MATN2: variants seen among roughly 807,000 people sequenced by gnomAD.
MATN2 encodes matrilin-2.
MATN2 carries 69 observed loss-of-function variants against 103.2 expected under a neutral mutation model. That is an observed-to-expected ratio of 0.67 (90% CI 0.55 to 0.82). The LOEUF is 0.82. MATN2 is among the 40% of genes least tolerant of loss of function. The pLI is 0.00. For missense variants in MATN2, 1,023 were observed against 1,211.5 expected, an observed-to-expected ratio of 0.84 and a Z score of 2.31; for synonymous variants, 429 against 450.2, an observed-to-expected ratio of 0.95 and a Z score of 0.60.
At chr8:97,917,847 G>A (rs1809685180) in intron 2 of MATN2, among the ~76,000 whole-genome samples, 1 of 152,182 alleles carries the variant, frequency 6.6e-6, no homozygotes, top group Non-Finnish European at 1.5e-5. Context: ...CACTTTGGGA[G>A]ACTGAAGCTG....
intron 15 of MATN2, 141 bp from the exon 16 acceptor site, chr8:98,032,105 A>T: frequency 1.6e-6 from 1 of 628,124 alleles, no homozygotes. Flanking sequence ...GCTTTTTTGA[A>T]TCTTTGGTGT....
chr8:98,001,664 G>A (rs372753005), intron 7 of MATN2, among the ~76,000 whole-genome samples: 1 of 151,970 alleles, frequency 6.6e-6, no homozygotes, highest in African/African-American at 2.4e-5. Context: ...TTTTAGTAGA[G>A]GTGGGGTTTC....
intron 4 of MATN2, among the ~76,000 whole-genome samples, chr8:97,959,345 A>G (rs1399236924): frequency 2.0e-5 from 3 of 152,254 alleles, no homozygotes; most frequent in African/African-American, 7.2e-5. Flanking sequence ...GGGACATAGT[A>G]TGCGCTCAAA....
At chr8:97,927,126 GTTTTGT>G (rs10565947) in intron 2 of MATN2, among the ~76,000 whole-genome samples, 98,547 of 150,470 alleles carry the variant, frequency 0.65, 32,961 homozygotes, top group East Asian at 0.92. Flanking sequence ...GTTCTGTTTT[GTTTTGT>G]TTTTGTTTTT....
In MATN2 at chr8:98,018,048, G is replaced by C; in HGVS notation, c.1751G>C (p.Ser584Thr). The C allele has an allele frequency of 1.2e-6, 2 of 1,613,932 alleles. No individual in the cohort carries two copies. Among genetic ancestry groups the C allele is most frequent in the Non-Finnish European group, 1.7e-6 (2 of 1,179,814 alleles). Residue 584 changes from serine to threonine, a missense_variant, in exon 12 of 19, where the codon AGT becomes ACT. Transcript: ENST00000254898. ...GGCTGTGAACACATTTGTGTGAACAGTGATGACTCATACACGTGCGAGTGC... is the reference window on the plus strand; with the variant it reads ...GGCTGTGAACACATTTGTGTGAACACTGATGACTCATACACGTGCGAGTGC... Reference protein sequence around the residue: ...DHGCEHICVNSDDSYTCECLE... With the variant: ...DHGCEHICVNTDDSYTCECLE...
At chr8:98,026,622 C>T (rs1430765477) in intron 13 of MATN2, among the ~76,000 whole-genome samples, 1 of 152,152 alleles carries the variant, frequency 6.6e-6, no homozygotes, top group Admixed American at 6.5e-5. Context: ...ATGAACATCA[C>T]CTCATTCACT....
Position 97,918,672 on chromosome 8 carries a change from G to A in MATN2, c.143-12281G>A, listed in dbSNP as rs1020121980. Among the ~76,000 whole-genome samples the A allele has an allele frequency of 5.3e-5, 8 of 152,188 alleles. No individual in the cohort carries two copies. In the East Asian group the frequency reaches 1.5e-3, roughly 29 times the overall value. ...CACTTAGGCGACTGTGTCTTGAGTT[G>A]AGCTTTATCTCCTGGGTCACATTCC... On this transcript the variant is annotated intron_variant, in intron 2 of 18. Transcript: ENST00000254898.
chr8:97,952,828 T>C (rs1479575554), intron 4 of MATN2, among the ~76,000 whole-genome samples: 2 of 152,048 alleles, frequency 1.3e-5, no homozygotes, highest in African/African-American at 4.8e-5. Context: ...CTTTGCTGTA[T>C]CACTTCAATT....
intron 2 of MATN2, among the ~76,000 whole-genome samples, chr8:97,930,747 C>T (rs1034424212): frequency 6.6e-6 from 1 of 152,096 alleles, no homozygotes; most frequent in Non-Finnish European, 1.5e-5. Context: ...CTCAGCCTCT[C>T]GAGTAGCTGG....
chr8:97,918,633 A>C (rs1394026826), intron 2 of MATN2, among the ~76,000 whole-genome samples: 1 of 152,144 alleles, frequency 6.6e-6, no homozygotes, highest in African/African-American at 2.4e-5. Context: ...CAGAGGGTGA[A>C]GTGGGGAGAT....
intron 13 of MATN2, chr8:98,025,639 G>C (rs749769831): frequency 1.3e-5 from 4 of 316,062 alleles, no homozygotes; most frequent in African/African-American, 2.3e-5. Flanking sequence ...CCAGCTACTT[G>C]GGAGGCTGAG....
chr8:97,898,627 A>G (rs868174790), intron 2 of MATN2, among the ~76,000 whole-genome samples: 1 of 151,750 alleles, frequency 6.6e-6, no homozygotes, highest in South Asian at 2.1e-4. Context: ...AGTAGTGATG[A>G]CAAGCCACCA....
chr8:97,974,425 CTTTTTGTTTTGTTTTGTT>C (rs1485486555), intron 5 of MATN2, among the ~76,000 whole-genome samples: 2 of 149,960 alleles, frequency 1.3e-5, no homozygotes, highest in African/African-American at 2.5e-5. Flanking sequence ...AGATGTGAGC[CTTTTTGTTTTGTTTTGTT>C]TTTTTGTTTT....
chr8:97,995,848 C>G (rs1336623346), intron 7 of MATN2, among the ~76,000 whole-genome samples: 1 of 152,148 alleles, frequency 6.6e-6, no homozygotes, highest in African/African-American at 2.4e-5. Context: ...GGGTACAAAC[C>G]CTGCACACAT....
At chr8:97,875,916 C>T (rs551872550) in intron 1 of MATN2, among the ~76,000 whole-genome samples, 1 of 151,996 alleles carries the variant, frequency 6.6e-6, no homozygotes, top group East Asian at 1.9e-4. Context: ...AGGATGGTCT[C>T]GATCTCCTGA....
chr8:97,900,944 A>C (rs1005867093), intron 2 of MATN2, among the ~76,000 whole-genome samples: 1 of 152,002 alleles, frequency 6.6e-6, no homozygotes, highest in Admixed American at 6.6e-5. Context: ...CCGCCCCCCC[A>C]AAAAAAGATA....
chr8:97,988,171 A>T (rs11787054), intron 6 of MATN2, among the ~76,000 whole-genome samples: 14,975 of 44,726 alleles, frequency 0.33, 2,439 homozygotes, highest in Non-Finnish European at 0.38. Flanking sequence ...AAAAAAAAAA[A>T]ATATATATAT....
At chr8:97,943,437 C>CCTT in intron 4 of MATN2, among the ~76,000 whole-genome samples, 1 of 151,242 alleles carries the variant, frequency 6.6e-6, no homozygotes, top group African/African-American at 2.4e-5. Flanking sequence ...TTCTCCTTCT[C>CCTT]CTCCTCCTCC....
chr8:97,921,197 C>G (rs1323831673), intron 2 of MATN2, among the ~76,000 whole-genome samples: 1 of 152,104 alleles, frequency 6.6e-6, no homozygotes, highest in East Asian at 1.9e-4. Flanking sequence ...TAGGGAGAAC[C>G]ATAAATGCCT....
Sources: gnomAD v4.1 joint callset for allele counts (sites outside exome capture counted in the v4.1 genomes callset) on GRCh38, gnomAD v4.1.1 for gene constraint, MANE v1.5 for transcripts, NCBI Gene and HGNC (gene_info 2026-07-23, HGNC 2026-07-21) for gene names.